Variants in NAALADL1 observed in about 807,000 individuals in gnomAD.
The protein encoded by NAALADL1 is aminopeptidase NAALADL1.
Under a neutral mutation model 82.8 loss-of-function variants are expected in NAALADL1, and 77 were observed. The observed-to-expected ratio is 0.93, with a 90% confidence interval of 0.77 to 1.12. The LOEUF (loss-of-function observed/expected upper bound fraction) is 1.12. Among genes scored for constraint, NAALADL1 ranks in the 50% most tolerant of loss-of-function variants. NAALADL1 has a pLI of 0.00. For missense variants in NAALADL1, 956 were observed against 964.0 expected, an observed-to-expected ratio of 0.99 and a Z score of 0.11; for synonymous variants, 358 against 399.2, an observed-to-expected ratio of 0.90 and a Z score of 1.23.
chr11:65,047,431 A>C, intron 13 of NAALADL1, 44 bp downstream of exon 13: 1 of 1,505,738 alleles, frequency 6.6e-7, no homozygotes, highest in Non-Finnish European at 9.0e-7. Context: ...GAGGGGGCGC[A>C]TGCAGCAAGG....
In NAALADL1 at chr11:65,057,275, A is replaced by G. The variant is rs1315982304; in HGVS notation, c.603+96T>C. The G allele has an allele frequency of 6.1e-6, 9 of 1,487,258 alleles. No individual in the cohort carries two copies. The Admixed American group carries it at 1.7e-4, about 27-fold the overall frequency. 92.1% of individuals were successfully genotyped at this position (1,487,258 alleles called of 1,614,324 possible). A position where few individuals can be genotyped will look rare whatever the true frequency, so the allele number is the denominator to read the frequency against. ...CCTGGGGCTTGGTTCCCCACTCAAC[A>G]CTGCCTCTTCTCCTTCCCCTTCCCC... On this transcript the variant is annotated intron_variant, in intron 4 of 17. Transcript: ENST00000358658.
upstream of NAALADL1, among the ~76,000 whole-genome samples, chr11:65,059,138 G>A (rs775912711): frequency 6.6e-5 from 10 of 151,888 alleles, no homozygotes; most frequent in Non-Finnish European, 1.0e-4. Flanking sequence ...TCGGCCTCCC[G>A]AGTAGCTGGG....
Position 65,058,507 on chromosome 11 carries a change from C to A in NAALADL1, c.15G>T (p.Lys5Asn). The change falls in exon 1 of 18, where the codon AAG becomes AAT. Residue 5 changes from lysine to asparagine, a missense_variant. Physicochemically the swap from Lys to Asn is moderately conservative, Grantham distance 94. Coordinates refer to ENST00000358658, the MANE Select transcript of NAALADL1 (RefSeq NM_005468.3). ...CAGCCCCCAGCCCCAGCCCCAACACCTTCGTCCACTGCATCCTGCGGACTC... is the reference window on the plus strand; with the variant it reads ...CAGCCCCCAGCCCCAGCCCCAACACATTCGTCCACTGCATCCTGCGGACTC... MQWT[K>N]VLGLGLGAAA... 1 of 1,601,004 alleles carries A rather than the reference C, an allele frequency of 6.2e-7. No homozygotes were observed. The highest frequency in any genetic ancestry group is 8.5e-7 in the Non-Finnish European group (1 of 1,173,936).
Position 65,058,105 on chromosome 11 carries a change from G to T in NAALADL1, c.331C>A (p.Gln111Lys). Residue 111 changes from glutamine (Q) to lysine (K), a missense_variant, in exon 2 of 18, where the codon CAG (glutamine) becomes AAG (lysine). By Grantham distance (53) the Gln-to-Lys change is moderately conservative. Transcript: ENST00000358658. ...TYEVLLSFPSQEQPNVVDIVG... is the reference protein window; with the variant it reads ...TYEVLLSFPSKEQPNVVDIVG... ...ATGTCCACGACGTTGGGCTGCTCCT[G>T]GCTAGGGAAGGACAGCAGCACTTCG... is the stretch of plus-strand genomic sequence containing the variant. The T allele has an allele frequency of 1.9e-6, 3 of 1,612,190 alleles. No individual in the cohort carries two copies. Among genetic ancestry groups the T allele is most frequent in the Non-Finnish European group, 2.5e-6 (3 of 1,178,638 alleles).
chr11:65,060,353 G>T (rs890434941), upstream of NAALADL1, among the ~76,000 whole-genome samples: 1 of 152,124 alleles, frequency 6.6e-6, no homozygotes, highest in Non-Finnish European at 1.5e-5. Flanking sequence ...TCTTGGCAAC[G>T]TGATTATCGA....
In NAALADL1 at chr11:65,050,164, C is replaced by T. The variant is rs536287958; in HGVS notation, c.1199-1779G>A. 1.2e-3 allele frequency among the ~76,000 whole-genome samples: 182 copies of T among 151,842 alleles called. 1 individual carries two copies. The highest frequency in any genetic ancestry group is 4.3e-3 in the African/African-American group (177 of 41,506). On this transcript the variant is annotated intron_variant, in intron 8 of 17. Transcript: ENST00000358658. ...GTGCTGGGATTACAGGCATGAGCCA[C>T]GACACCCAGCTGGAAGCATTTAAAA...
At chr11:65,045,604 C>G (rs866295338) in intron 17 of NAALADL1, 147 bp from the exon 18 acceptor site, 1 of 983,882 alleles carries the variant, frequency 1.0e-6, no homozygotes, top group Admixed American at 2.8e-5. Flanking sequence ...GGAGCTCTTA[C>G]AGCAGTGGCG....
intron 8 of NAALADL1, among the ~76,000 whole-genome samples, chr11:65,051,714 A>G (rs1436001237): frequency 6.6e-6 from 1 of 152,076 alleles, no homozygotes; most frequent in Non-Finnish European, 1.5e-5. Flanking sequence ...TTTGTGTGCA[A>G]TTACAGTTGA....
chr11:65,055,102 G>T (rs1565241090), intron 4 of NAALADL1, among the ~76,000 whole-genome samples: 3 of 152,192 alleles, frequency 2.0e-5, no homozygotes, highest in Non-Finnish European at 4.4e-5. Flanking sequence ...CCAAATGTGG[G>T]CTGTAACATA....
intron 8 of NAALADL1, among the ~76,000 whole-genome samples, chr11:65,051,334 T>A (rs1428820485): frequency 8.5e-6 from 1 of 117,630 alleles, no homozygotes; most frequent in African/African-American, 3.7e-5. Context: ...TTTTTTTTTT[T>A]TTTTTTTTTT....
At position 65,047,534 on chromosome 11, in the gene NAALADL1, C is replaced by T. The variant is rs1946763382; in HGVS notation, c.1540G>A (p.Ala514Thr). 2.5e-6 allele frequency: 4 copies of T among 1,571,908 alleles called. No individual in the cohort carries two copies. Among genetic ancestry groups the T allele is most frequent in the Non-Finnish European group, 3.5e-6 (4 of 1,158,492 alleles). Reference protein sequence around the residue: ...LGSLGAGSDYAPFVHFLGISS... With the variant: ...LGSLGAGSDYTPFVHFLGISS... Reference sequence around the variant, plus strand: ...ATGCCCAGGAAGTGAACGAAGGGTGCATAGTCGCTGCCAGCACCCAGAGAA... The same window carrying T: ...ATGCCCAGGAAGTGAACGAAGGGTGTATAGTCGCTGCCAGCACCCAGAGAA... The change falls in exon 13 of 18, where the codon GCA becomes ACA. Residue 514 changes from alanine (A) to threonine (T), a missense_variant. By Grantham distance (58) the Ala-to-Thr change is moderately conservative. Coordinates refer to ENST00000358658, the MANE Select transcript of NAALADL1 (RefSeq NM_005468.3).
chr11:65,052,592 G>A (rs1347102467), intron 8 of NAALADL1, among the ~76,000 whole-genome samples: 6 of 152,092 alleles, frequency 3.9e-5, no homozygotes, highest in Admixed American at 1.3e-4. Context: ...GATTACAGGC[G>A]TGAGCCACTG....
At position 65,045,437 on chromosome 11, in the gene NAALADL1, C is replaced by T. The variant is rs765242328; in HGVS notation, c.2057G>A (p.Arg686His). Reference sequence around the variant, plus strand: ...CGGGAATGTGACTACGGAGCCCGTGCGAGGTGCCCAGAGCACATGGCTGAC... The same window carrying T: ...CGGGAATGTGACTACGGAGCCCGTGTGAGGTGCCCAGAGCACATGGCTGAC... ...RYYSHVLWAP[R>H]TGSVVTFPGL... is the part of the protein sequence containing the mutation. Residue 686 changes from arginine to histidine, a missense_variant, in exon 18 of 18, where the codon CGC becomes CAC. Arg to His is a conservative substitution (Grantham distance 29). Coordinates refer to ENST00000358658, the MANE Select transcript of NAALADL1 (RefSeq NM_005468.3). 1.9e-6 allele frequency: 3 copies of T among 1,610,136 alleles called. No individual in the cohort carries two copies. Among genetic ancestry groups the T allele is most frequent in the South Asian group, 1.1e-5 (1 of 90,622 alleles).
chr11:65,050,929 C>A (rs193132009), intron 8 of NAALADL1, among the ~76,000 whole-genome samples: 9 of 152,184 alleles, frequency 5.9e-5, no homozygotes, highest in Non-Finnish European at 1.2e-4. Context: ...TGGGCTCAAG[C>A]GATCCTCCTG....
chr11:65,058,133 C>G lies in NAALADL1; in HGVS notation c.303G>C (p.Thr101=), dbSNP rs1221008156. ...ESGLDSAEAS[T]YEVLLSFPSQ... ...TAGGGAAGGACAGCAGCACTTCGTA[C>G]GTGGAGGCCTCGGCCGAGTCCAGGC... The change falls in exon 2 of 18, where the codon ACG becomes ACC. Residue 101 remains threonine (T), a synonymous_variant. Coordinates refer to ENST00000358658, the MANE Select transcript of NAALADL1 (RefSeq NM_005468.3). 3.1e-6 allele frequency: 5 copies of G among 1,613,712 alleles called. No homozygotes were observed. The Admixed American group carries it at 8.3e-5, about 27-fold the overall frequency.
intron 8 of NAALADL1, among the ~76,000 whole-genome samples, chr11:65,051,315 C>CTTTCTTTTTT (rs1946879993): frequency 1.3e-4 from 8 of 59,572 alleles, no homozygotes; most frequent in Admixed American, 2.3e-4. Context: ...TTCTTTCTTT[C>CTTTCTTTTTT]TTTTTTTTTT....
Position 65,044,916 on chromosome 11 carries a change from G to C in NAALADL1, c.*355C>G. ...GGGAGAGGAACGCAGACTAGCCAAGGCCTAAGGTACCCCAAGACTCACTTT... is the reference window on the plus strand; with the variant it reads ...GGGAGAGGAACGCAGACTAGCCAAGCCCTAAGGTACCCCAAGACTCACTTT... On this transcript the variant is annotated 3_prime_UTR_variant, in exon 18 of 18. Coordinates refer to ENST00000358658, the MANE Select transcript of NAALADL1 (RefSeq NM_005468.3). The surrounding 1 kb of genome is among the most constrained non-coding windows in gnomAD (Gnocchi z 4.0). 2 of 713,428 alleles carry C rather than the reference G, an allele frequency of 2.8e-6. No individual in the cohort carries two copies. The allele number at this position is 713,428 out of a possible 1,614,324, so 44.2% of individuals were successfully genotyped here. A position where few individuals can be genotyped will look rare whatever the true frequency, so the allele number is the denominator to read the frequency against.
In NAALADL1 at chr11:65,054,331, G is replaced by C; in HGVS notation, c.911C>G (p.Pro304Arg). 1 of 1,614,082 alleles carries C rather than the reference G, an allele frequency of 6.2e-7. No individual in the cohort carries two copies. Among genetic ancestry groups the C allele is most frequent in the Non-Finnish European group, 8.5e-7 (1 of 1,180,006 alleles). ...GCCCAGTGCTCCCTGCCAGGTGGCT[G>C]GGGCCAAAGTTCCGTTGAGGTTACT... The part of the protein sequence containing the change: ...LLCNLNGTLA[P>R]ATWQGALGCH... The change falls in exon 6 of 18, where the codon CCA (proline) becomes CGA (arginine). Residue 304 changes from proline to arginine, a missense_variant. By Grantham distance (103) the Pro-to-Arg change is moderately radical. Transcript: ENST00000358658. The surrounding 1 kb of genome is among the most constrained non-coding windows in gnomAD (Gnocchi z 4.3).
intron 8 of NAALADL1, among the ~76,000 whole-genome samples, chr11:65,051,154 C>A (rs1946874306): frequency 6.6e-6 from 1 of 151,950 alleles, no homozygotes; most frequent in Non-Finnish European, 1.5e-5. Context: ...TCTGCGCTAC[C>A]CATAAGGGTA....
Sources: gnomAD v4.1 joint callset for allele counts (sites outside exome capture counted in the v4.1 genomes callset) on GRCh38, gnomAD v4.1.1 for gene constraint, Gnocchi (gnomAD v3.1) non-coding constraint, MANE v1.5 for transcripts, NCBI Gene and HGNC (gene_info 2026-07-23, HGNC 2026-07-21) for gene names.